The following ADCY6 variants were observed in gnomAD, a reference collection of about 807,000 sequenced individuals.
ADCY6 encodes the protein adenylate cyclase 6.
ADCY6 carries 59 observed loss-of-function variants against 111.6 expected under a neutral mutation model. That is an observed-to-expected ratio of 0.53 (90% confidence interval 0.43 to 0.66). ADCY6 has a LOEUF of 0.66. Ranked by LOEUF, ADCY6 falls within the 30% of genes least tolerant of loss-of-function variation. The pLI, the probability that ADCY6 is intolerant of heterozygous loss-of-function variation, is 0.00. For synonymous variants in ADCY6, 576 were observed against 642.9 expected (o/e 0.90, Z 1.57); for missense variants, 1,242 against 1,595.6 (o/e 0.78, Z 3.78).
intron 16 of ADCY6, among the ~76,000 whole-genome samples, chr12:48,773,247 TA>T (rs1483349614): frequency 9.2e-5 from 14 of 152,144 alleles, no homozygotes; most frequent in East Asian, 5.8e-4. Context: ...TTTTTTTTTT[TA>T]ATGTCTAGCC....
intron 2 of ADCY6, among the ~76,000 whole-genome samples, chr12:48,781,601 G>A (rs962970057): frequency 6.6e-6 from 1 of 152,192 alleles, no homozygotes; most frequent in Non-Finnish European, 1.5e-5. Flanking sequence ...CTGCCCCCAG[G>A]TGTGAACACT....
Position 48,782,663 on chromosome 12 carries a change from G to C in ADCY6, c.772C>G (p.Arg258Gly), listed in dbSNP as rs369096510. 1 of 1,599,212 alleles carries C rather than the reference G, an allele frequency of 6.3e-7. No homozygotes were observed. Among genetic ancestry groups the C allele is most frequent in the African/African-American group, 1.3e-5 (1 of 74,698 alleles). Residue 258 changes from arginine to glycine, a missense_variant, in exon 2 of 22, where the codon CGG (arginine) becomes GGG (glycine). By Grantham distance (125) the Arg-to-Gly change is moderately radical. This residue lies in a region of ADCY6 where 362 missense variants were observed against 377.2 expected (regional missense o/e 0.96). Transcript: ENST00000357869. The surrounding 1 kb of genome is among the most constrained non-coding windows in gnomAD (Gnocchi z 4.3). The part of the protein sequence containing the change: ...IAYTLLPIRM[R>G]AAVLSGLGLS... ...CCCAGGCCGCTGAGGACGGCAGCCC[G>C]CATGCGGATGGGGAGGAGCGTGTAG...
At chr12:48,773,350 C>CACAA (rs1370593407) in intron 16 of ADCY6, 119 bp downstream of exon 16, 8 of 1,169,680 alleles carry the variant, frequency 6.8e-6, no homozygotes, top group Non-Finnish European at 7.2e-6. Flanking sequence ...CTCCCTTTCC[C>CACAA]CCACAGGGGT....
intron 2 of ADCY6, 90 bp from the exon 3 acceptor site, chr12:48,778,347 C>A: frequency 6.4e-7 from 1 of 1,556,514 alleles, no homozygotes; most frequent in Non-Finnish European, 8.8e-7. Flanking sequence ...GCTAGGTTCT[C>A]TGAGGAAGGA....
At position 48,771,075 on chromosome 12, in the gene ADCY6, G is replaced by T; in HGVS notation, c.3052-105C>A. The T allele has an allele frequency of 1.8e-6, 2 of 1,129,926 alleles. No homozygotes were observed. The highest frequency in any genetic ancestry group is 1.5e-5 in the South Asian group (1 of 68,852). The allele number at this position is 1,129,926 out of a possible 1,614,324, so 70.0% of individuals were successfully genotyped here. ...CCTTGGCTGCCTTCCCCACTTCCCT[G>T]TCTCAAGAGCCCCCTTCCAGCTGCT... On this transcript the variant is annotated intron_variant, in intron 19 of 21. Transcript: ENST00000357869. This position sits in a 1 kb window ranked among gnomAD's most constrained non-coding sequence, Gnocchi z 4.3.
intron 20 of ADCY6, 117 bp downstream of exon 20, chr12:48,770,649 G>A (rs1941511325): frequency 2.9e-6 from 3 of 1,027,430 alleles, no homozygotes; most frequent in Middle Eastern, 3.2e-4. Flanking sequence ...AGGTCAGAGG[G>A]AAGAAAACCC....
chr12:48,770,981 C>G lies in ADCY6; in HGVS notation c.3052-11G>C. 6.2e-7 allele frequency: 1 copy of G among 1,611,220 alleles called. No homozygotes were observed. Reference sequence around the variant, plus strand: ...CTCCTCGCTGATAATCTGAACAACACAAGGAGACCTGGCTGTCAAGGCAAA... The same window carrying G: ...CTCCTCGCTGATAATCTGAACAACAGAAGGAGACCTGGCTGTCAAGGCAAA... On this transcript the variant is annotated splice_polypyrimidine_tract_variant and intron_variant, in intron 19 of 21. Transcript: ENST00000357869.
intron 11 of ADCY6, 88 bp downstream of exon 11, chr12:48,775,215 A>T: frequency 6.4e-7 from 1 of 1,572,178 alleles, no homozygotes; most frequent in Non-Finnish European, 8.7e-7. Context: ...TCCCCCAGAA[A>T]CACCTGTGCC....
At position 48,770,943 on chromosome 12, in the gene ADCY6, G is replaced by T. The variant is rs765155610; in HGVS notation, c.3079C>A (p.Leu1027Met). The change falls in exon 20 of 22, where the codon CTG becomes ATG. Residue 1027 changes from leucine (L) to methionine (M), a missense_variant. Physicochemically the swap from Leu to Met is conservative, Grantham distance 15. Transcript: ENST00000357869. ...CTACCAATCGTCTTGATCTTTTCCA[G>T]CTGCCGGAACCGCTCCTCGCTGATA... ...EIISEERFRQ[L>M]EKIKTIGSTY... 6.2e-6 allele frequency: 10 copies of T among 1,614,002 alleles called. No homozygotes were observed. The highest frequency in any genetic ancestry group is 8.5e-6 in the Non-Finnish European group (10 of 1,180,036).
At chr12:48,788,639 C>A (rs1005510340) in intron 1 of ADCY6, among the ~76,000 whole-genome samples, 1 of 152,116 alleles carries the variant, frequency 6.6e-6, no homozygotes, top group East Asian at 1.9e-4. Context: ...TCCTGGCCTC[C>A]GGGCCAGCCT....
intron 15 of ADCY6, 130 bp downstream of exon 15, chr12:48,773,810 C>A: frequency 6.9e-7 from 1 of 1,442,226 alleles, no homozygotes; most frequent in East Asian, 2.5e-5. Context: ...CACCAGGGCC[C>A]CTGGTTGCTC....
In ADCY6 at chr12:48,777,054, G is replaced by A. The variant is rs1241117284; in HGVS notation, c.1376+50C>T. 1.3e-6 allele frequency: 2 copies of A among 1,542,382 alleles called. No individual in the cohort carries two copies. The highest frequency in any genetic ancestry group is 2.3e-5 in the East Asian group (1 of 44,156). On this transcript the variant is annotated intron_variant, in intron 6 of 21. Coordinates refer to ENST00000357869, the MANE Select transcript of ADCY6 (RefSeq NM_015270.5). This position sits in a 1 kb window ranked among gnomAD's most constrained non-coding sequence, Gnocchi z 4.9. The stretch of plus-strand genomic sequence containing the variant: ...GAGGTCTCATCAAAAAGTAGGAGCA[G>A]TCTGGGGCACCCGCAATTCCAGGAA...
chr12:48,783,132 G>A lies in ADCY6; in HGVS notation c.303C>T (p.Gly101=), dbSNP rs776043330. The change falls in exon 2 of 22, where the codon GGC becomes GGT. Residue 101 remains glycine (G), a synonymous_variant. Coordinates refer to ENST00000357869, the MANE Select transcript of ADCY6 (RefSeq NM_015270.5). ...FEDTEVTTTA[G]GTAEVAPDAV... ...CGTCGGGCGCCACCTCAGCCGTCCC[G>A]CCCGCTGTCGTTGTCACCTCGGTAT... The A allele has an allele frequency of 3.7e-6, 6 of 1,608,152 alleles. No homozygotes were observed. The highest frequency in any genetic ancestry group is 1.7e-5 in the Admixed American group (1 of 59,932).
Position 48,782,664 on chromosome 12 carries a change from C to A in ADCY6, c.771G>T (p.Met257Ile), listed in dbSNP as rs768492714. 1 of 1,600,280 alleles carries A rather than the reference C, an allele frequency of 6.2e-7. No individual in the cohort carries two copies. The highest frequency in any genetic ancestry group is 1.7e-5 in the Admixed American group (1 of 57,792). Residue 257 changes from methionine (M) to isoleucine (I), a missense_variant, in exon 2 of 22, where the codon ATG (methionine) becomes ATT (isoleucine). Around this residue, in one of 4 missense-constraint regions of ADCY6, gnomAD observed 362 missense variants for 377.2 expected, o/e 0.96. Transcript: ENST00000357869. The surrounding 1 kb of genome is among the most constrained non-coding windows in gnomAD (Gnocchi z 4.3). ...CCAGGCCGCTGAGGACGGCAGCCCG[C>A]ATGCGGATGGGGAGGAGCGTGTAGG... Reference protein sequence around the residue: ...YIAYTLLPIRMRAAVLSGLGL... With the variant: ...YIAYTLLPIRIRAAVLSGLGL...
At position 48,777,249 on chromosome 12, in the gene ADCY6, G is replaced by A. The variant is rs563915349; in HGVS notation, c.1249-18C>T. Reference sequence around the variant, plus strand: ...TGATTCTCCTGAATGGGAAGGAATTGGAGGGAAGGGTAACCTTTACTCTCT... The same window carrying A: ...TGATTCTCCTGAATGGGAAGGAATTAGAGGGAAGGGTAACCTTTACTCTCT... On this transcript the variant is annotated intron_variant, in intron 5 of 21. Transcript: ENST00000357869. This position sits in a 1 kb window ranked among gnomAD's most constrained non-coding sequence, Gnocchi z 4.9. 12 of 1,609,316 alleles carry A rather than the reference G, an allele frequency of 7.5e-6. No homozygotes were observed. In the Admixed American group the frequency reaches 1.0e-4, roughly 13 times the overall value.
intron 1 of ADCY6, among the ~76,000 whole-genome samples, chr12:48,784,542 A>G (rs1389175024): frequency 6.6e-6 from 1 of 151,774 alleles, no homozygotes; most frequent in African/African-American, 2.4e-5. Context: ...CAGAACTGGG[A>G]GGAAAAGAGT....
At chr12:48,774,187 T>TA in intron 14 of ADCY6, 89 bp from the exon 15 acceptor site, 3 of 1,289,780 alleles carry the variant, frequency 2.3e-6, no homozygotes, top group Non-Finnish European at 2.2e-6. Flanking sequence ...ACCTGGGCTA[T>TA]GCCCAGGTAC....
At position 48,782,370 on chromosome 12, in the gene ADCY6, T is replaced by A. The variant is rs1941865031; in HGVS notation, c.864+201A>T. On this transcript the variant is annotated intron_variant, in intron 2 of 21. Transcript: ENST00000357869. The surrounding 1 kb of genome is among the most constrained non-coding windows in gnomAD (Gnocchi z 4.3). ...GCCCTCCCTCCCCTCAGCAGTGTCC[T>A]CTACCCCAGATCCCACATGGAGGCA... Among the ~76,000 whole-genome samples, 1 of 152,050 alleles carries A rather than the reference T, an allele frequency of 6.6e-6. No homozygotes were observed. Among genetic ancestry groups the A allele is most frequent in the African/African-American group, 2.4e-5 (1 of 41,390 alleles).
In ADCY6 at chr12:48,771,912, T is replaced by TTATG. The variant is rs751347638; in HGVS notation, c.2845_2848dup (p.Asn950ThrfsTer2). ...GGCCGCCACGTCCTTGGGCAGAATG[T>TTATG]TATGCAGCAGCCTCCGGTTGTATGC... On this transcript the variant is annotated stop_gained and frameshift_variant, in exon 19 of 22. Coordinates refer to ENST00000357869, the MANE Select transcript of ADCY6 (RefSeq NM_015270.5). LOFTEE classifies it high-confidence loss of function. The surrounding 1 kb of genome is among the most constrained non-coding windows in gnomAD (Gnocchi z 4.3). 1 of 1,614,146 alleles carries TTATG rather than the reference T, an allele frequency of 6.2e-7. No homozygotes were observed. The highest frequency in any genetic ancestry group is 8.5e-7 in the Non-Finnish European group (1 of 1,180,022).
Sources: allele counts gnomAD v4.1 joint callset (sites outside exome capture counted in the v4.1 genomes callset), GRCh38; gene constraint gnomAD v4.1.1; regional missense constraint gnomAD v4.1.1; non-coding constraint Gnocchi (gnomAD v3.1); transcripts MANE v1.5; gene names NCBI Gene and HGNC (gene_info 2026-07-23, HGNC 2026-07-21).